Variants in ZFP91 observed in about 807,000 individuals in gnomAD.
The protein encoded by ZFP91 is E3 ubiquitin-protein ligase ZFP91.
In ZFP91, 7 loss-of-function variants were observed where a neutral mutation model predicts 63.5. That is an observed-to-expected ratio of 0.11 (90% confidence interval 0.06 to 0.21). The LOEUF (loss-of-function observed/expected upper bound fraction) is 0.21. Ranked by LOEUF, ZFP91 falls within the 10% of genes least tolerant of loss-of-function variation. The pLI, the probability that ZFP91 is intolerant of heterozygous loss-of-function variation, is 1.00. For synonymous variants in ZFP91, 330 were observed against 272.1 expected (o/e 1.21, Z -2.10); for missense variants, 628 against 736.6 (o/e 0.85, Z 1.71).
At chr11:58,584,970 C>A in intron 2 of ZFP91, 86 bp downstream of exon 2, 1 of 1,137,738 alleles carries the variant, frequency 8.8e-7, no homozygotes, top group South Asian at 2.7e-5. Flanking sequence ...CAAATTGGTT[C>A]CCATTTAAAA....
rs1276751627 is a variant in ZFP91 at position 58,579,229 on chromosome 11, C to G, written c.-53C>G. 1 of 1,347,482 alleles carries G rather than the reference C, an allele frequency of 7.4e-7. No homozygotes were observed. The allele number at this position is 1,347,482 out of a possible 1,614,324, so 83.5% of individuals were successfully genotyped here. On this transcript the variant is annotated 5_prime_UTR_variant, in exon 1 of 11. Transcript: ENST00000316059. ...GGCGGGGGGAGCAGCGCCGAGGCCG[C>G]CGCCTCCGCCTCCGCCGCCTAGGAC...
At chr11:58,614,432 C>A in intron 9 of ZFP91, 89 bp downstream of exon 9, 1 of 955,360 alleles carries the variant, frequency 1.0e-6, no homozygotes, top group Non-Finnish European at 1.5e-6. Context: ...TAACATAAGT[C>A]TTAAAAGATT....
intron 2 of ZFP91, among the ~76,000 whole-genome samples, chr11:58,596,199 G>A (rs569328639): frequency 3.3e-4 from 51 of 152,292 alleles, no homozygotes; most frequent in Non-Finnish European, 2.9e-4. Context: ...TATTCATTAA[G>A]TGTAAGTGGA....
At chr11:58,608,149 A>G (rs1855599060) in intron 2 of ZFP91, among the ~76,000 whole-genome samples, 1 of 151,878 alleles carries the variant, frequency 6.6e-6, no homozygotes, top group Admixed American at 6.6e-5. Context: ...GTAGACAACT[A>G]AACATTCAAA....
intron 1 of ZFP91, among the ~76,000 whole-genome samples, chr11:58,581,396 G>A (rs1855113626): frequency 6.6e-6 from 1 of 152,058 alleles, no homozygotes; most frequent in African/African-American, 2.4e-5. Context: ...TTTTTGCTCT[G>A]TTGCCCAGGC....
intron 2 of ZFP91, among the ~76,000 whole-genome samples, chr11:58,597,963 A>G (rs1855429714): frequency 6.6e-6 from 1 of 152,136 alleles, no homozygotes; most frequent in Non-Finnish European, 1.5e-5. Context: ...CTCTAAACAT[A>G]GTGAAAAATG....
At position 58,609,972 on chromosome 11, in the gene ZFP91, T is replaced by C. The variant is rs777194860; in HGVS notation, c.513T>C (p.Ser171=). 1 of 1,614,220 alleles carries C rather than the reference T, an allele frequency of 6.2e-7. No individual in the cohort carries two copies. Among genetic ancestry groups the C allele is most frequent in the East Asian group, 2.2e-5 (1 of 44,882 alleles). The change falls in exon 3 of 11, where the codon TCT becomes TCC. Residue 171 remains serine, a synonymous_variant. Coordinates refer to ENST00000316059, the MANE Select transcript of ZFP91 (RefSeq NM_053023.5). ...RHRDTENTRS[S]RSKTGSLQLI... is the part of the protein sequence containing the mutation. Reference sequence around the variant, plus strand: ...GTGATACAGAGAACACCCGAAGCTCTCGGTCCAAGACCGGTTCATTGCAGC... The same window carrying C: ...GTGATACAGAGAACACCCGAAGCTCCCGGTCCAAGACCGGTTCATTGCAGC...
At chr11:58,609,596 A>G (rs1855624106) in intron 2 of ZFP91, among the ~76,000 whole-genome samples, 1 of 152,224 alleles carries the variant, frequency 6.6e-6, no homozygotes, top group Non-Finnish European at 1.5e-5. Flanking sequence ...TTTTTAGAAG[A>G]TAAGGCAGTA....
intron 2 of ZFP91, among the ~76,000 whole-genome samples, chr11:58,601,967 G>C (rs1172536052): frequency 1.3e-5 from 2 of 152,088 alleles, no homozygotes; most frequent in African/African-American, 2.4e-5. Flanking sequence ...TATCGCCCAG[G>C]CTGGAGTGCA....
chr11:58,588,758 G>T (rs1392490383), intron 2 of ZFP91, among the ~76,000 whole-genome samples: 2 of 151,860 alleles, frequency 1.3e-5, no homozygotes, highest in Non-Finnish European at 2.9e-5. Flanking sequence ...TATATTTAAA[G>T]AATATTTTTA....
intron 2 of ZFP91, among the ~76,000 whole-genome samples, chr11:58,594,892 T>C (rs963156188): frequency 1.3e-5 from 2 of 152,212 alleles, no homozygotes; most frequent in Admixed American, 6.5e-5. Flanking sequence ...AGCATGTGGC[T>C]TTAGGTTAAA....
At chr11:58,580,106 T>A (rs568290) in intron 1 of ZFP91, among the ~76,000 whole-genome samples, 1 of 151,506 alleles carries the variant, frequency 6.6e-6, no homozygotes, top group Non-Finnish European at 1.5e-5. Flanking sequence ...TTTTTTTTTT[T>A]CACTTTTCTA....
At position 58,579,511 on chromosome 11, in the gene ZFP91, C is replaced by T. The variant is rs1590604324; in HGVS notation, c.230C>T (p.Pro77Leu). ...AVSRRRKAEY[P>L]RRRRSSPSAR... ...TCCCGCCGGAGGAAGGCCGAGTATC[C>T]CCGCCGGCGGAGGAGCAGCCCCAGC... The change falls in exon 1 of 11, where the codon CCC becomes CTC. Residue 77 changes from proline (P) to leucine (L), a missense_variant. Coordinates refer to ENST00000316059, the MANE Select transcript of ZFP91 (RefSeq NM_053023.5). 5 of 1,549,760 alleles carry T rather than the reference C, an allele frequency of 3.2e-6. No individual in the cohort carries two copies. In the African/African-American group the frequency reaches 4.3e-5, roughly 13 times the overall value.
chr11:58,605,295 T>A lies in ZFP91; in HGVS notation c.371-4535T>A, dbSNP rs1056063826. Among the ~76,000 whole-genome samples the A allele has an allele frequency of 4.9e-4, 74 of 152,374 alleles. 1 individual carries two copies. Among genetic ancestry groups the A allele is most frequent in the African/African-American group, 1.7e-3 (71 of 41,596 alleles). ...ATTTACAGTTGCTATTTTGTACATT[T>A]GTCTTTCAAATCATGTAGGGAGAAA... On this transcript the variant is annotated intron_variant, in intron 2 of 10. Coordinates refer to ENST00000316059, the MANE Select transcript of ZFP91 (RefSeq NM_053023.5).
At chr11:58,616,276 C>T (rs2507760) in intron 9 of ZFP91, among the ~76,000 whole-genome samples, 67,312 of 151,120 alleles carry the variant, frequency 0.45, 15,103 homozygotes, top group Middle Eastern at 0.57. Flanking sequence ...GTGCCAAGTT[C>T]TTGTTTTTTG....
chr11:58,600,446 T>G (rs1855475052), intron 2 of ZFP91, among the ~76,000 whole-genome samples: 1 of 152,174 alleles, frequency 6.6e-6, no homozygotes, highest in Non-Finnish European at 1.5e-5. Context: ...AATTATTTTC[T>G]TAATTTCCTT....
intron 2 of ZFP91, among the ~76,000 whole-genome samples, chr11:58,594,362 G>C (rs1280567077): frequency 6.6e-6 from 1 of 152,160 alleles, no homozygotes; most frequent in Non-Finnish European, 1.5e-5. Context: ...AAACTTAAAT[G>C]TTGAGCTAAT....
At chr11:58,600,161 A>T (rs1024601279) in intron 2 of ZFP91, among the ~76,000 whole-genome samples, 1 of 152,050 alleles carries the variant, frequency 6.6e-6, no homozygotes, top group African/African-American at 2.4e-5. Context: ...GATGGCTGTG[A>T]CTAGTGTAGA....
At position 58,617,620 on chromosome 11, in the gene ZFP91, G is replaced by A; in HGVS notation, c.1627G>A (p.Gly543Ser). ...CTTTGTGGGAAGCGGCAGCAGTGGA[G>A]GCACTGAAGGGCTGGTTATGAACTC... is the stretch of plus-strand genomic sequence containing the variant. ...KIFVGSGSSG[G>S]TEGLVMNSDI... is the part of the protein sequence containing the mutation. The change falls in exon 11 of 11, where the codon GGC becomes AGC. Residue 543 changes from glycine to serine, a missense_variant. Gly to Ser is a moderately conservative substitution (Grantham distance 56). Coordinates refer to ENST00000316059, the MANE Select transcript of ZFP91 (RefSeq NM_053023.5). The surrounding 1 kb of genome is among the most constrained non-coding windows in gnomAD (Gnocchi z 4.2). 6.3e-7 allele frequency: 1 copy of A among 1,592,366 alleles called. No individual in the cohort carries two copies. The highest frequency in any genetic ancestry group is 8.5e-7 in the Non-Finnish European group (1 of 1,169,960).
Sources: allele counts gnomAD v4.1 joint callset (sites outside exome capture counted in the v4.1 genomes callset), GRCh38; gene constraint gnomAD v4.1.1; non-coding constraint Gnocchi (gnomAD v3.1); transcripts MANE v1.5; gene names NCBI Gene and HGNC (gene_info 2026-07-23, HGNC 2026-07-21).